RARB: variants seen among roughly 807,000 people sequenced by gnomAD.
RARB encodes HBV-activated protein.
RARB carries 17 observed loss-of-function variants against 51.9 expected under a neutral mutation model. That is an observed-to-expected ratio of 0.33 (90% CI 0.22 to 0.49). The LOEUF (loss-of-function observed/expected upper bound fraction) is 0.49. Ranked by LOEUF, RARB falls within the 20% of genes least tolerant of loss-of-function variation. The pLI, the probability that RARB is intolerant of heterozygous loss-of-function variation, is 0.99. For missense variants in RARB, 369 were observed against 550.8 expected (o/e 0.67, Z 3.30); for synonymous variants, 215 against 195.4 (o/e 1.10, Z -0.84).
chr3:24,938,080 G>A (rs1695583117), intron 2 of RARB, among the ~76,000 whole-genome samples: 2 of 152,142 alleles, frequency 1.3e-5, no homozygotes, highest in Non-Finnish European at 2.9e-5. Flanking sequence ...GGTGGTGGTG[G>A]TGATTGTTTG....
chr3:25,568,978 G>C (rs1369829724), intron 3 of RARB, among the ~76,000 whole-genome samples: 4 of 152,210 alleles, frequency 2.6e-5, no homozygotes, highest in African/African-American at 9.6e-5. Flanking sequence ...ATAGCACTGT[G>C]TCCTGGGCCC....
At chr3:25,141,423 A>C (rs1464354592) in intron 4 of RARB, among the ~76,000 whole-genome samples, 1 of 152,144 alleles carries the variant, frequency 6.6e-6, no homozygotes, top group Non-Finnish European at 1.5e-5. Flanking sequence ...GGGCTGACCC[A>C]ATTTACCACT....
intron 2 of RARB, among the ~76,000 whole-genome samples, chr3:25,007,005 G>C (rs1697286226): frequency 6.6e-6 from 1 of 152,130 alleles, no homozygotes; most frequent in Non-Finnish European, 1.5e-5. Context: ...TTGATATTCA[G>C]ATGCTCTTTT....
intron 2 of RARB, among the ~76,000 whole-genome samples, chr3:24,929,008 T>C (rs1259751880): frequency 6.6e-6 from 1 of 152,074 alleles, no homozygotes; most frequent in Non-Finnish European, 1.5e-5. Flanking sequence ...TTTCTCCTAC[T>C]GTTTATTGCA....
intron 5 of RARB, among the ~76,000 whole-genome samples, chr3:25,384,278 CTTCTCTTTCTCCCTTCA>C (rs139741188): frequency 0.035 from 5,270 of 152,228 alleles, 117 homozygotes; most frequent in Middle Eastern, 0.065. Flanking sequence ...TCCTTCCTTC[CTTCTCTTTCTCCCTTCA>C]TTGTCTCTTC....
intron 1 of RARB, among the ~76,000 whole-genome samples, chr3:24,853,958 A>G (rs1260867453): frequency 1.3e-5 from 2 of 152,232 alleles, no homozygotes; most frequent in Non-Finnish European, 2.9e-5. Context: ...CAATTATGTT[A>G]CAATGCTAGA....
At chr3:25,239,463 A>G (rs1294408593) in intron 5 of RARB, among the ~76,000 whole-genome samples, 1 of 152,066 alleles carries the variant, frequency 6.6e-6, no homozygotes, top group Non-Finnish European at 1.5e-5. Context: ...TAATCCATCT[A>G]AAGTTTATTT....
At chr3:25,545,562 G>A (rs940445735) in intron 3 of RARB, among the ~76,000 whole-genome samples, 1 of 152,174 alleles carries the variant, frequency 6.6e-6, no homozygotes, top group Non-Finnish European at 1.5e-5. Context: ...TTCCCTCCGT[G>A]CCCCTGTGTG....
At chr3:25,526,863 T>C (rs1698673611) in intron 3 of RARB, among the ~76,000 whole-genome samples, 1 of 152,198 alleles carries the variant, frequency 6.6e-6, no homozygotes, top group Non-Finnish European at 1.5e-5. Flanking sequence ...ATTTTAATAA[T>C]GGAGTTCTGC....
chr3:24,903,335 A>G (rs1294443150), intron 2 of RARB, among the ~76,000 whole-genome samples: 1 of 152,168 alleles, frequency 6.6e-6, no homozygotes, highest in Non-Finnish European at 1.5e-5. Context: ...TAGTATAAGA[A>G]AAAGTAATAA....
At chr3:25,465,810 A>G (rs748556811) in intron 2 of RARB, among the ~76,000 whole-genome samples, 11 of 151,234 alleles carry the variant, frequency 7.3e-5, no homozygotes, top group African/African-American at 1.7e-4. Flanking sequence ...GTTTAACAGT[A>G]TAAAATAATA....
At chr3:25,272,035 A>G (rs1352905223) in intron 5 of RARB, among the ~76,000 whole-genome samples, 2 of 152,246 alleles carry the variant, frequency 1.3e-5, no homozygotes, top group Non-Finnish European at 2.9e-5. Flanking sequence ...TTAAAATGAA[A>G]TAAAATTTAA....
At chr3:24,865,275 T>C (rs1344952570) in intron 2 of RARB, among the ~76,000 whole-genome samples, 1 of 152,142 alleles carries the variant, frequency 6.6e-6, no homozygotes, top group East Asian at 1.9e-4. Flanking sequence ...GTCTCACAGT[T>C]GGCCCTGTAC....
rs151302480 is a variant in RARB, at chr3:25,227,963, C to T, written c.178+53388C>T. Among the ~76,000 whole-genome samples the T allele has an allele frequency of 3.9e-3, 597 of 152,088 alleles. 3 individuals carry two copies. Among genetic ancestry groups the T allele is most frequent in the Non-Finnish European group, 6.4e-3 (432 of 67,976 alleles). On this transcript the variant is annotated intron_variant, in intron 5 of 11. Transcript: ENST00000383772. ...TCTTTTAAAAACCAATAGACATTGC[C>T]TCTATGTCTTTTGGGAGTCAATGTC...
chr3:25,335,972 G>C (rs1705050208), intron 5 of RARB, among the ~76,000 whole-genome samples: 1 of 151,472 alleles, frequency 6.6e-6, no homozygotes, highest in Admixed American at 6.6e-5. Flanking sequence ...CTAAAACACA[G>C]GTTTTTAAAA....
rs188652026 is a variant in RARB at position 25,449,821 on chromosome 3, G to A, written c.158-11372G>A. Among the ~76,000 whole-genome samples, 8 of 151,366 alleles carry A rather than the reference G, an allele frequency of 5.3e-5. No individual in the cohort carries two copies. In the South Asian group the frequency reaches 6.3e-4, roughly 12 times the overall value. ...GGCTAGAGTGCAATGGTGCGATCTC[G>A]GCTCACTGCAACCTCCACCTCCTGG... On this transcript the variant is annotated intron_variant, in intron 1 of 7. Transcript: ENST00000330688.
At chr3:24,920,903 G>A (rs1695203669) in intron 2 of RARB, among the ~76,000 whole-genome samples, 1 of 152,170 alleles carries the variant, frequency 6.6e-6, no homozygotes, top group African/African-American at 2.4e-5. Context: ...TGATTTGAGT[G>A]TCAAGTTGAA....
At chr3:24,971,721 AT>A (rs756958913) in intron 2 of RARB, among the ~76,000 whole-genome samples, 1 of 152,000 alleles carries the variant, frequency 6.6e-6, no homozygotes, top group East Asian at 1.9e-4. Flanking sequence ...GATAATCAAC[AT>A]TTTTATTAGC....
chr3:25,518,150 A>G (rs1698253306), intron 3 of RARB, among the ~76,000 whole-genome samples: 1 of 152,220 alleles, frequency 6.6e-6, no homozygotes, highest in South Asian at 2.1e-4. Context: ...TAATTTTAAA[A>G]AACCGATGAT....
Sources: allele counts gnomAD v4.1 joint callset (sites outside exome capture counted in the v4.1 genomes callset), GRCh38; gene constraint gnomAD v4.1.1; transcripts MANE v1.5; gene names NCBI Gene and HGNC (gene_info 2026-07-23, HGNC 2026-07-21).